Variants in GNA12 observed in about 807,000 individuals in gnomAD.
GNA12 encodes G protein subunit alpha 12.
A neutral mutation model predicts 26.0 loss-of-function variants in GNA12; 9 were observed. The ratio of observed to expected loss-of-function variants is 0.35; its 90% CI spans 0.21 to 0.60. GNA12 has a LOEUF of 0.60. Among genes scored for constraint, GNA12 ranks in the 20% least tolerant of loss-of-function variants. The probability of loss-of-function intolerance (pLI) is 0.78; values close to 1 mark genes in which losing one functional copy is unlikely to be tolerated. For synonymous variants in GNA12, 264 were observed against 219.6 expected, an observed-to-expected ratio of 1.20 and a Z score of -1.79; for missense variants, 405 against 525.8, an observed-to-expected ratio of 0.77 and a Z score of 2.25.
chr7:2,739,922 C>G (rs1055046035), intron 2 of GNA12, among the ~76,000 whole-genome samples: 3 of 152,212 alleles, frequency 2.0e-5, no homozygotes. Context: ...ATCCGCCCGC[C>G]TTGGCCTCTG....
At chr7:2,747,979 A>G (rs1357729118) in intron 2 of GNA12, among the ~76,000 whole-genome samples, 2 of 151,220 alleles carry the variant, frequency 1.3e-5, no homozygotes, top group Non-Finnish European at 2.9e-5. Context: ...TTCAAGGAGA[A>G]CTACAAACCA....
At chr7:2,842,103 G>GGAGGAAGAATGGAAGGAAGAAAGGAAGAA (rs1779009470) in intron 1 of GNA12, among the ~76,000 whole-genome samples, 2 of 97,812 alleles carry the variant, frequency 2.0e-5, no homozygotes, top group Non-Finnish European at 4.7e-5. Context: ...GGAAGGAAAG[G>GGAGGAAGAATGGAAGGAAGAAAGGAAGAA]AAGGAAGGGA....
chr7:2,778,472 C>T (rs1245292933), intron 2 of GNA12, among the ~76,000 whole-genome samples: 1 of 152,212 alleles, frequency 6.6e-6, no homozygotes, highest in East Asian at 1.9e-4. Flanking sequence ...CCATGACACT[C>T]ACACCAACAG....
chr7:2,740,131 A>G (rs1384713246), intron 2 of GNA12, among the ~76,000 whole-genome samples: 1 of 152,004 alleles, frequency 6.6e-6, no homozygotes. Context: ...AACGGTGGCC[A>G]TCCTACTAGC....
chr7:2,815,676 C>T (rs1047139505), intron 1 of GNA12, among the ~76,000 whole-genome samples: 51 of 152,216 alleles, frequency 3.4e-4, no homozygotes, highest in Admixed American at 7.2e-4. Flanking sequence ...AGTACCCCTC[C>T]GCCTCCTGAC....
At chr7:2,838,519 G>A (rs972048750) in intron 1 of GNA12, among the ~76,000 whole-genome samples, 1 of 152,190 alleles carries the variant, frequency 6.6e-6, no homozygotes, top group Non-Finnish European at 1.5e-5. Flanking sequence ...AGGAGGTCAA[G>A]ACTACAGTGA....
intron 2 of GNA12, among the ~76,000 whole-genome samples, chr7:2,786,353 G>A (rs571590326): frequency 2.6e-4 from 39 of 152,200 alleles, no homozygotes; most frequent in African/African-American, 8.9e-4. Flanking sequence ...GAAAAAACGG[G>A]CGCCTGGCGA....
intron 2 of GNA12, among the ~76,000 whole-genome samples, chr7:2,764,248 T>C (rs798483): frequency 0.17 from 19,197 of 114,644 alleles, 1,286 homozygotes; most frequent in Middle Eastern, 0.23. Flanking sequence ...TAATTTCTTT[T>C]TTTTTTTTTT....
intron 2 of GNA12, among the ~76,000 whole-genome samples, chr7:2,740,760 T>C (rs916844174): frequency 6.6e-6 from 1 of 152,130 alleles, no homozygotes. Context: ...ACTACAGATT[T>C]AGGGCTCGCC....
chr7:2,831,735 G>A (rs2114973765), intron 1 of GNA12, among the ~76,000 whole-genome samples: 1 of 152,084 alleles, frequency 6.6e-6, no homozygotes, highest in South Asian at 2.1e-4. Context: ...AAACACAAGT[G>A]GTCACAAAAA....
chr7:2,818,891 T>C (rs1005879306), intron 1 of GNA12, among the ~76,000 whole-genome samples: 1 of 151,990 alleles, frequency 6.6e-6, no homozygotes, highest in Non-Finnish European at 1.5e-5. Flanking sequence ...CATGGTCCCC[T>C]GTAACTAGAA....
At position 2,828,904 on chromosome 7, in the gene GNA12, C is replaced by T. The variant is rs148951698; in HGVS notation, c.309+14949G>A. Among the ~76,000 whole-genome samples, 41 of 152,072 alleles carry T rather than the reference C, an allele frequency of 2.7e-4. No individual in the cohort carries two copies. The East Asian group carries it at 7.7e-3, about 29-fold the overall frequency. On this transcript the variant is annotated intron_variant, in intron 1 of 3. Transcript: ENST00000275364. The stretch of plus-strand genomic sequence containing the variant: ...AATCTACAAAAATCTTAATTTTTCT[C>T]TACAAAAATTTTTTAAAAGTGAGCC...
chr7:2,750,842 G>A (rs1349313445), intron 2 of GNA12, among the ~76,000 whole-genome samples: 1 of 152,210 alleles, frequency 6.6e-6, no homozygotes, highest in African/African-American at 2.4e-5. Context: ...TATGGCGAAA[G>A]TTTTAGAGTT....
chr7:2,769,880 T>G (rs1002147599), intron 2 of GNA12, among the ~76,000 whole-genome samples: 52 of 152,232 alleles, frequency 3.4e-4, no homozygotes, highest in African/African-American at 1.2e-3. Context: ...ATCAATTGAA[T>G]TTTTTTCTGA....
In GNA12 at chr7:2,759,150, A is replaced by C. The variant is rs1241988673; in HGVS notation, c.526-25649T>G. ...GCAAAACACTGTCTCAAAATAAATA[A>C]ATAAATAAATAAATAAATAAATAAA... is the stretch of plus-strand genomic sequence containing the variant. On this transcript the variant is annotated intron_variant, in intron 2 of 3. Coordinates refer to ENST00000275364, the MANE Select transcript of GNA12 (RefSeq NM_007353.3). 2.9e-5 allele frequency among the ~76,000 whole-genome samples: 4 copies of C among 137,944 alleles called. 1 individual carries two copies. Among genetic ancestry groups the C allele is most frequent in the African/African-American group, 1.2e-4 (4 of 32,966 alleles). The allele number at this position is 137,944 out of a possible 152,430, so 90.5% of individuals were successfully genotyped here.
At chr7:2,839,918 G>A (rs1413461446) in intron 1 of GNA12, among the ~76,000 whole-genome samples, 1 of 152,124 alleles carries the variant, frequency 6.6e-6, no homozygotes, top group East Asian at 1.9e-4. Context: ...AGAATCGCTT[G>A]AACCCCGGGG....
At chr7:2,779,876 G>T (rs1260578718) in intron 2 of GNA12, among the ~76,000 whole-genome samples, 2 of 151,944 alleles carry the variant, frequency 1.3e-5, no homozygotes, top group African/African-American at 4.8e-5. Flanking sequence ...GGGATTACAG[G>T]AGTGAGCCAG....
intron 1 of GNA12, among the ~76,000 whole-genome samples, chr7:2,817,530 C>T (rs192615362): frequency 6.4e-4 from 98 of 152,354 alleles, no homozygotes; most frequent in African/African-American, 2.3e-3. Flanking sequence ...TCTGCCCACA[C>T]CAGCCCCTCA....
rs1182305849 is a variant in GNA12, at chr7:2,843,787, G to T, written c.309+66C>A. ...GCCCGCGGCGGCGGACCACGGAGGG[G>T]CCCGGGGCGGGGGTTAGCGCCCCGG... is the stretch of plus-strand genomic sequence containing the variant. On this transcript the variant is annotated intron_variant, in intron 1 of 3. Transcript: ENST00000275364. 2.1e-5 allele frequency: 18 copies of T among 863,140 alleles called. No individual in the cohort carries two copies. The East Asian group carries it at 4.4e-4, about 21-fold the overall frequency. 53.5% of individuals were successfully genotyped at this position (863,140 alleles called of 1,614,324 possible). A position where few individuals can be genotyped will look rare whatever the true frequency, so the allele number is the denominator to read the frequency against.
Sources: gnomAD v4.1 joint callset for allele counts (sites outside exome capture counted in the v4.1 genomes callset) on GRCh38, gnomAD v4.1.1 for gene constraint, MANE v1.5 for transcripts, NCBI Gene and HGNC (gene_info 2026-07-23, HGNC 2026-07-21) for gene names.